TAOK3: variants seen among roughly 807,000 people sequenced by gnomAD.
TAOK3 encodes the protein serine/threonine-protein kinase TAO3.
In TAOK3, 40 loss-of-function variants were observed where a neutral mutation model predicts 120.4. That is an observed-to-expected ratio of 0.33 (90% CI 0.26 to 0.43). The LOEUF (loss-of-function observed/expected upper bound fraction) is 0.43. Among genes scored for constraint, TAOK3 ranks in the 20% least tolerant of loss-of-function variants. The pLI, the probability that TAOK3 is intolerant of heterozygous loss-of-function variation, is 1.00. For missense variants in TAOK3, 821 were observed against 1,112.1 expected (o/e 0.74, Z 3.72); for synonymous variants, 355 against 387.5 (o/e 0.92, Z 0.99).
In TAOK3 at chr12:118,255,475, T is replaced by C; in HGVS notation, c.93A>G (p.Gly31=). 1 of 1,614,140 alleles carries C rather than the reference T, an allele frequency of 6.2e-7. No homozygotes were observed. Among genetic ancestry groups the C allele is most frequent in the South Asian group, 1.1e-5 (1 of 91,084 alleles). Residue 31 remains glycine, a synonymous_variant, in exon 3 of 21, where the codon GGA becomes GGG. Transcript: ENST00000392533. ...EELFIGLHEI[G]HGSFGAVYFA... The stretch of plus-strand genomic sequence containing the variant: ...AATAAACTGCTCCAAAACTTCCATG[T>C]CCAATTTCATGCAAACCAATAAAAA...
chr12:118,190,196 T>C, intron 13 of TAOK3: 2 of 445,932 alleles, frequency 4.5e-6, no homozygotes, highest in African/African-American at 1.9e-5. Context: ...CAGAATTACA[T>C]ATATGCAAAA....
chr12:118,214,719 C>T (rs1423753427), intron 9 of TAOK3, among the ~76,000 whole-genome samples: 2 of 150,336 alleles, frequency 1.3e-5, no homozygotes, highest in Non-Finnish European at 3.0e-5. Context: ...AGGTGCCTGA[C>T]ATCGTGCATG....
At chr12:118,157,297 C>T (rs2034903349) in intron 19 of TAOK3, among the ~76,000 whole-genome samples, 2 of 152,126 alleles carry the variant, frequency 1.3e-5, no homozygotes, top group African/African-American at 4.8e-5. Context: ...AGTGATGGTT[C>T]AAAAACACAA....
At chr12:118,349,779 A>C (rs1017987182) in intron 1 of TAOK3, among the ~76,000 whole-genome samples, 5 of 152,226 alleles carry the variant, frequency 3.3e-5, no homozygotes, top group Non-Finnish European at 7.3e-5. Flanking sequence ...ATTAAAAAAA[A>C]CACAAAAAAC....
At chr12:118,198,107 G>A (rs1008999708) in intron 13 of TAOK3, among the ~76,000 whole-genome samples, 3 of 151,852 alleles carry the variant, frequency 2.0e-5, no homozygotes, top group South Asian at 2.1e-4. Flanking sequence ...GATAATCTGG[G>A]TCCTTTGCTG....
intron 14 of TAOK3, among the ~76,000 whole-genome samples, chr12:118,188,921 T>TGA (rs1565920621): frequency 6.6e-5 from 4 of 60,532 alleles, no homozygotes; most frequent in South Asian, 8.8e-4. Flanking sequence ...TGAAACGATG[T>TGA]GAGTGTGTGT....
At chr12:118,278,099 AT>A (rs551601266) in intron 1 of TAOK3, among the ~76,000 whole-genome samples, 69 of 147,660 alleles carry the variant, frequency 4.7e-4, no homozygotes, top group South Asian at 1.3e-3. Context: ...TATAAAAGGG[AT>A]TTTTTTTTTT....
At position 118,258,697 on chromosome 12, in the gene TAOK3, G is replaced by C. The variant is rs191054297; in HGVS notation, c.-88-3042C>G. Among the ~76,000 whole-genome samples the C allele has an allele frequency of 3.4e-5, 5 of 149,070 alleles. No homozygotes were observed. In the Admixed American group the frequency reaches 3.4e-4, roughly 10 times the overall value. On this transcript the variant is annotated intron_variant, in intron 2 of 20. Coordinates refer to ENST00000392533, the MANE Select transcript of TAOK3 (RefSeq NM_016281.4). ...ACTGCATTCAAGCCTGGTGATGACA[G>C]AGCAAGACTCTGTCATAAAAAAAAA...
chr12:118,363,236 G>C (rs948701481), intron 1 of TAOK3, among the ~76,000 whole-genome samples: 25 of 151,706 alleles, frequency 1.6e-4, no homozygotes, highest in Non-Finnish European at 5.9e-5. Context: ...CAACTGTCAG[G>C]GTCACAAGTG....
chr12:118,204,174 G>A (rs569437930), intron 11 of TAOK3, among the ~76,000 whole-genome samples: 2 of 152,060 alleles, frequency 1.3e-5, no homozygotes, highest in East Asian at 3.9e-4. Context: ...GGCTGAGGCA[G>A]GAGAATGGCT....
intron 1 of TAOK3, among the ~76,000 whole-genome samples, chr12:118,330,312 C>G (rs766974938): frequency 5.3e-5 from 8 of 152,194 alleles, no homozygotes; most frequent in Admixed American, 4.6e-4. Context: ...TAGGTCTTTA[C>G]GTCTTTTGTC....
In TAOK3 at chr12:118,172,644, T is replaced by C; in HGVS notation, c.1712A>G (p.His571Arg). Residue 571 changes from histidine to arginine, a missense_variant, in exon 17 of 21, where the codon CAT becomes CGT. Around this residue, in one of 2 missense-constraint regions of TAOK3, gnomAD observed 354 missense variants for 572.1 expected, o/e 0.62. Transcript: ENST00000392533. ...EKIKEEMNED[H>R]STPKKEKQER... ...TTGCTTCTCTTTCTTGGGTGTGCTA[T>C]GGTCCTCATTCATTTCCTAAAAAGA... 6.2e-7 allele frequency: 1 copy of C among 1,614,218 alleles called. No homozygotes were observed. Among genetic ancestry groups the C allele is most frequent in the Non-Finnish European group, 8.5e-7 (1 of 1,180,026 alleles).
chr12:118,360,567 C>CAAA lies in TAOK3; in HGVS notation c.-194+12078_-194+12080dup, dbSNP rs34592832. On this transcript the variant is annotated intron_variant, in intron 1 of 20. Transcript: ENST00000392533. ...CGGGCGACACAGCGAGACTCCGTCT[C>CAAA]AAAAAAAAAAAAAAAAAAAAAGTAT... Among the ~76,000 whole-genome samples the CAAA allele has an allele frequency of 4.8e-4, 41 of 86,040 alleles. 1 individual carries two copies. Among genetic ancestry groups the CAAA allele is most frequent in the Admixed American group, 6.6e-4 (5 of 7,536 alleles). 56.4% of individuals were successfully genotyped at this position (86,040 alleles called of 152,430 possible).
At chr12:118,224,767 A>C (rs1291224038) in intron 9 of TAOK3, among the ~76,000 whole-genome samples, 1 of 152,182 alleles carries the variant, frequency 6.6e-6, no homozygotes, top group Non-Finnish European at 1.5e-5. Flanking sequence ...CACTATCATC[A>C]TCCTGCTTTT....
At chr12:118,177,737 C>G (rs981325782) in intron 15 of TAOK3, among the ~76,000 whole-genome samples, 1 of 151,896 alleles carries the variant, frequency 6.6e-6, no homozygotes, top group East Asian at 1.9e-4. Flanking sequence ...GCAGGAGAAT[C>G]GCTTGAACCC....
rs181594531 is a variant in TAOK3, at chr12:118,277,915, T to C, written c.-193-11156A>G. ...GAATATAATCTTGTCTTACCCAAGG[T>C]GGTTGGGTACAAAGGTCAACACCTA... On this transcript the variant is annotated intron_variant, in intron 1 of 20. Transcript: ENST00000392533. Among the ~76,000 whole-genome samples the C allele has an allele frequency of 1.5e-4, 23 of 152,256 alleles. No homozygotes were observed. The East Asian group carries it at 4.0e-3, about 27-fold the overall frequency.
rs202082877 is a variant in TAOK3, at chr12:118,160,200, G to A, written c.2298C>T (p.Ala766=). 6.2e-6 allele frequency: 10 copies of A among 1,614,152 alleles called. No individual in the cohort carries two copies. In the Admixed American group the frequency reaches 1.5e-4, roughly 24 times the overall value. ...TLKDEQTRKL[A]ILAEQYEQSI... ...TCTGTTCATACTGCTCTGCCAAAAT[G>A]GCAAGTTTTCTTGTCTGCTCATCTT... Residue 766 remains alanine (A), a synonymous_variant, in exon 19 of 21, where the codon GCC becomes GCT. Transcript: ENST00000392533. The surrounding 1 kb of genome is among the most constrained non-coding windows in gnomAD (Gnocchi z 4.2).
At chr12:118,232,207 CAGTAT>C (rs1392660080) in intron 9 of TAOK3, among the ~76,000 whole-genome samples, 2 of 152,130 alleles carry the variant, frequency 1.3e-5, no homozygotes, top group Non-Finnish European at 2.9e-5. Flanking sequence ...TTAAATTTAC[CAGTAT>C]ACCACTGGAT....
intron 1 of TAOK3, among the ~76,000 whole-genome samples, chr12:118,369,130 G>T (rs910218377): frequency 3.3e-5 from 5 of 152,128 alleles, no homozygotes; most frequent in Non-Finnish European, 7.3e-5. Flanking sequence ...AGAGGCTGCA[G>T]TGAGAGAATA....
Sources: allele counts gnomAD v4.1 joint callset (sites outside exome capture counted in the v4.1 genomes callset), GRCh38; gene constraint gnomAD v4.1.1; regional missense constraint gnomAD v4.1.1; non-coding constraint Gnocchi (gnomAD v3.1); transcripts MANE v1.5; gene names NCBI Gene and HGNC (gene_info 2026-07-23, HGNC 2026-07-21).